The following MYT1L variants were observed in gnomAD, a reference collection of about 807,000 sequenced individuals.
MYT1L encodes myelin transcription factor 1-like protein.
In MYT1L, 12 loss-of-function variants were observed where a neutral mutation model predicts 126.7. The observed-to-expected ratio is 0.09, with a 90% CI of 0.06 to 0.15. The LOEUF (loss-of-function observed/expected upper bound fraction) is 0.15. Ranked by LOEUF, MYT1L falls within the 10% of genes least tolerant of loss-of-function variation. MYT1L has a pLI of 1.00. For synonymous variants in MYT1L, 541 were observed against 604.2 expected, an observed-to-expected ratio of 0.90 and a Z score of 1.53; for missense variants, 979 against 1,585.2, an observed-to-expected ratio of 0.62 and a Z score of 6.49.
At chr2:1,890,546 C>T (rs2048734085) in intron 15 of MYT1L, among the ~76,000 whole-genome samples, 1 of 151,980 alleles carries the variant, frequency 6.6e-6, no homozygotes, top group African/African-American at 2.4e-5. Flanking sequence ...GGGTGAGGCT[C>T]TTTCATTTTT....
At chr2:2,278,765 G>T (rs866021693) in intron 2 of MYT1L, among the ~76,000 whole-genome samples, 1 of 152,054 alleles carries the variant, frequency 6.6e-6, no homozygotes, top group South Asian at 2.1e-4. Flanking sequence ...TATTTTTCCT[G>T]GCTATATTTT....
chr2:2,050,231 T>C (rs996015948), intron 4 of MYT1L, among the ~76,000 whole-genome samples: 1 of 152,222 alleles, frequency 6.6e-6, no homozygotes, highest in African/African-American at 2.4e-5. Context: ...GTTTCAGGAC[T>C]ACCTGATGAC....
chr2:2,071,669 T>C (rs2074618829), intron 3 of MYT1L, among the ~76,000 whole-genome samples: 1 of 152,152 alleles, frequency 6.6e-6, no homozygotes, highest in African/African-American at 2.4e-5. Flanking sequence ...TTGAACTTTG[T>C]CCTAATGAAA....
In MYT1L at chr2:1,801,669, A is replaced by G; in HGVS notation, c.3276+27T>C. The G allele has an allele frequency of 6.8e-7, 1 of 1,477,108 alleles. No homozygotes were observed. Among genetic ancestry groups the G allele is most frequent in the Non-Finnish European group, 9.4e-7 (1 of 1,062,916 alleles). 91.5% of individuals were successfully genotyped at this position (1,477,108 alleles called of 1,614,324 possible). A position where few individuals can be genotyped will look rare whatever the true frequency, so the allele number is the denominator to read the frequency against. ...TGGTATAATGGCGCGTGTTAGAGCT[A>G]AAATTGAGGGCTTCAAAAACTGTTA... On this transcript the variant is annotated intron_variant, in intron 23 of 24. Coordinates refer to ENST00000647738, the MANE Select transcript of MYT1L (RefSeq NM_001303052.2). This position sits in a 1 kb window ranked among gnomAD's most constrained non-coding sequence, Gnocchi z 4.2.
At chr2:1,936,512 A>T (rs894039384) in intron 9 of MYT1L, among the ~76,000 whole-genome samples, 1 of 152,154 alleles carries the variant, frequency 6.6e-6, no homozygotes, top group Non-Finnish European at 1.5e-5. Flanking sequence ...TTAAGATGAT[A>T]CCAAATCATC....
chr2:2,073,892 G>C (rs1421994410), intron 3 of MYT1L, among the ~76,000 whole-genome samples: 2 of 152,110 alleles, frequency 1.3e-5, no homozygotes, highest in Non-Finnish European at 2.9e-5. Context: ...AAGAGCTTCA[G>C]CTCTTGCTTT....
At chr2:1,906,644 C>T (rs753043873) in intron 13 of MYT1L, among the ~76,000 whole-genome samples, 4 of 151,984 alleles carry the variant, frequency 2.6e-5, no homozygotes, top group Non-Finnish European at 5.9e-5. Flanking sequence ...ACATGTATTG[C>T]GATTTCATTA....
chr2:2,109,615 C>A (rs1043350884), intron 3 of MYT1L, among the ~76,000 whole-genome samples: 4 of 151,744 alleles, frequency 2.6e-5, no homozygotes, highest in African/African-American at 7.3e-5. Flanking sequence ...TAGTCAATAC[C>A]ACTTCTTGTA....
At position 2,293,836 on chromosome 2, in the gene MYT1L, G is replaced by A. The variant is rs1204239039; in HGVS notation, c.-520-9333C>T. On this transcript the variant is annotated intron_variant, in intron 1 of 24. Coordinates refer to ENST00000647738, the MANE Select transcript of MYT1L (RefSeq NM_001303052.2). The stretch of plus-strand genomic sequence containing the variant: ...CAAAGCAGAAGGAAAGATGTGGGAC[G>A]AGATCCTTGGAAGGAACTCAGGCTT... Among the ~76,000 whole-genome samples, 10 of 152,266 alleles carry A rather than the reference G, an allele frequency of 6.6e-5. No homozygotes were observed. In the East Asian group the frequency reaches 9.7e-4, roughly 15 times the overall value.
chr2:2,080,627 T>C (rs1164426245), intron 3 of MYT1L, among the ~76,000 whole-genome samples: 1 of 151,974 alleles, frequency 6.6e-6, no homozygotes, highest in Non-Finnish European at 1.5e-5. Flanking sequence ...AAAACCACAA[T>C]AGATACCTCT....
chr2:1,857,862 AT>A (rs59356359), intron 18 of MYT1L, among the ~76,000 whole-genome samples: 30,778 of 146,820 alleles, frequency 0.21, 4,019 homozygotes, highest in African/African-American at 0.38. Context: ...ACATATTACT[AT>A]TTTTTTTTTT....
intron 8 of MYT1L, among the ~76,000 whole-genome samples, chr2:1,945,845 T>G (rs926672235): frequency 6.6e-6 from 1 of 152,198 alleles, no homozygotes; most frequent in Non-Finnish European, 1.5e-5. Flanking sequence ...AACTAATGAT[T>G]GTCCTGTTTG....
At chr2:1,978,567 C>T (rs1276643142) in intron 8 of MYT1L, among the ~76,000 whole-genome samples, 1 of 152,158 alleles carries the variant, frequency 6.6e-6, no homozygotes, top group African/African-American at 2.4e-5. Flanking sequence ...AGGTTTTCCA[C>T]CCCATCCCTG....
chr2:2,266,930 T>A (rs2095144655), intron 2 of MYT1L, among the ~76,000 whole-genome samples: 1 of 152,210 alleles, frequency 6.6e-6, no homozygotes, highest in Non-Finnish European at 1.5e-5. Context: ...TAAAGCTCTT[T>A]CCTTTATAAA....
chr2:2,055,788 G>T (rs776914019), intron 3 of MYT1L, among the ~76,000 whole-genome samples: 1 of 152,110 alleles, frequency 6.6e-6, no homozygotes, highest in South Asian at 2.1e-4. Context: ...ATATTATTAC[G>T]TTAATTTACA....
Position 1,974,589 on chromosome 2 carries a change from G to C in MYT1L, c.152+4576C>G, listed in dbSNP as rs568199805. The C allele has an allele frequency of 2.0e-5, 3 of 152,294 alleles. No homozygotes were observed. In the South Asian group the frequency reaches 6.2e-4, roughly 32 times the overall value. The allele number at this position is 152,294 out of a possible 1,614,324, so 9.4% of individuals were successfully genotyped here. ...CCTAGGAGGTCTGGCCTGATGACCTGTATCAGGGCCCAAAAATGTTGAGTA... is the reference window on the plus strand; with the variant it reads ...CCTAGGAGGTCTGGCCTGATGACCTCTATCAGGGCCCAAAAATGTTGAGTA... On this transcript the variant is annotated intron_variant, in intron 8 of 24. Coordinates refer to ENST00000647738, the MANE Select transcript of MYT1L (RefSeq NM_001303052.2).
intron 3 of MYT1L, among the ~76,000 whole-genome samples, chr2:2,105,670 C>T (rs1357414384): frequency 3.9e-5 from 6 of 152,106 alleles, no homozygotes; most frequent in East Asian, 3.9e-4. Flanking sequence ...AGGCGTCATA[C>T]GTTCACAAAA....
intron 5 of MYT1L, among the ~76,000 whole-genome samples, chr2:1,984,119 C>A (rs2060822190): frequency 6.6e-6 from 1 of 152,136 alleles, no homozygotes; most frequent in Admixed American, 6.6e-5. Context: ...TACATTTGGA[C>A]TCAGGATTTA....
intron 4 of MYT1L, among the ~76,000 whole-genome samples, chr2:2,016,729 T>C (rs1352151430): frequency 6.6e-6 from 1 of 152,204 alleles, no homozygotes; most frequent in African/African-American, 2.4e-5. Context: ...AAGCAAAACA[T>C]ATATAAATAC....
Sources: allele counts gnomAD v4.1 joint callset (sites outside exome capture counted in the v4.1 genomes callset), GRCh38; gene constraint gnomAD v4.1.1; non-coding constraint Gnocchi (gnomAD v3.1); transcripts MANE v1.5; gene names NCBI Gene and HGNC (gene_info 2026-07-23, HGNC 2026-07-21).